The following GSK3B variants were observed in gnomAD, a reference collection of about 807,000 sequenced individuals.
GSK3B encodes the protein glycogen synthase kinase-3 beta.
In GSK3B, 15 loss-of-function variants were observed where a neutral mutation model predicts 56.4. That is an observed-to-expected ratio of 0.27 (90% CI 0.18 to 0.41). GSK3B has a LOEUF of 0.41. GSK3B is among the 10% of genes least tolerant of loss of function. The pLI is 1.00. For synonymous variants in GSK3B, 181 were observed against 188.9 expected (o/e 0.96, Z 0.34); for missense variants, 300 against 513.4 (o/e 0.58, Z 4.02).
At chr3:119,908,052 C>T (rs570991529) in intron 6 of GSK3B, among the ~76,000 whole-genome samples, 2 of 152,264 alleles carry the variant, frequency 1.3e-5, no homozygotes, top group African/African-American at 4.8e-5. Flanking sequence ...TCATTTCAAA[C>T]ATTACTGTTA....
intron 1 of GSK3B, among the ~76,000 whole-genome samples, chr3:120,056,326 G>A (rs2058190875): frequency 6.6e-6 from 1 of 152,176 alleles, no homozygotes; most frequent in African/African-American, 2.4e-5. Flanking sequence ...GTAAACAAAA[G>A]TCTTTGAGGT....
At chr3:120,015,621 G>A (rs1244948644) in intron 1 of GSK3B, among the ~76,000 whole-genome samples, 6 of 116,500 alleles carry the variant, frequency 5.2e-5, no homozygotes, top group African/African-American at 2.0e-4. Context: ...TTGCACTCCA[G>A]CCTGGGAGAC....
chr3:119,821,823 T>C lies in GSK3B; in HGVS notation c.*4965A>G, dbSNP rs1332837852. On this transcript the variant is annotated 3_prime_UTR_variant, in exon 11 of 11. Coordinates refer to ENST00000264235, the MANE Select transcript of GSK3B (RefSeq NM_001146156.2). ...AAGAAGTGGTATTGATATCTTGTTC[T>C]GTATAACAAAGATTAATGTTTCCCT... The C allele has an allele frequency of 3.0e-5, 5 of 168,168 alleles. No homozygotes were observed. The highest frequency in any genetic ancestry group is 1.2e-4 in the African/African-American group (5 of 42,038). The allele number at this position is 168,168 out of a possible 1,614,324, so 10.4% of individuals were successfully genotyped here.
At chr3:119,954,068 T>C (rs534552729) in intron 2 of GSK3B, among the ~76,000 whole-genome samples, 18 of 152,182 alleles carry the variant, frequency 1.2e-4, no homozygotes, top group Non-Finnish European at 2.4e-4. Context: ...TTTAAGAACA[T>C]CTTTCTGTAT....
intron 3 of GSK3B, among the ~76,000 whole-genome samples, chr3:119,941,550 T>G (rs1254879434): frequency 6.6e-6 from 1 of 152,182 alleles, no homozygotes; most frequent in Non-Finnish European, 1.5e-5. Context: ...TTCTATAAAA[T>G]AGTGCTTCTA....
intron 9 of GSK3B, among the ~76,000 whole-genome samples, chr3:119,850,510 G>GT (rs1476893284): frequency 1.3e-5 from 2 of 152,130 alleles, no homozygotes; most frequent in African/African-American, 4.8e-5. Flanking sequence ...TCTTGCCACT[G>GT]TAAGTCCACA....
At chr3:119,986,266 T>C (rs1162214041) in intron 2 of GSK3B, among the ~76,000 whole-genome samples, 1 of 152,110 alleles carries the variant, frequency 6.6e-6, no homozygotes, top group Non-Finnish European at 1.5e-5. Flanking sequence ...ATTCAGGACA[T>C]AGTTATGGGC....
chr3:119,912,454 G>A (rs1427926293), intron 6 of GSK3B, among the ~76,000 whole-genome samples: 3 of 151,796 alleles, frequency 2.0e-5, no homozygotes, highest in Non-Finnish European at 4.4e-5. Context: ...TATAAAACTA[G>A]TGTGGGCAGA....
intron 2 of GSK3B, among the ~76,000 whole-genome samples, chr3:119,963,897 TCTGAAAACGTAGAACC>T (rs1190305642): frequency 6.6e-6 from 1 of 152,134 alleles, no homozygotes; most frequent in Non-Finnish European, 1.5e-5. Flanking sequence ...AAACATAAGA[TCTGAAAACGTAGAACC>T]CTTTGAAGAA....
chr3:120,039,581 T>C (rs956937964), intron 1 of GSK3B, among the ~76,000 whole-genome samples: 1 of 152,152 alleles, frequency 6.6e-6, no homozygotes, highest in Non-Finnish European at 1.5e-5. Flanking sequence ...TTCCACCCAT[T>C]AGAAACCACA....
chr3:119,829,590 G>A (rs2055567513), intron 10 of GSK3B, among the ~76,000 whole-genome samples: 1 of 152,208 alleles, frequency 6.6e-6, no homozygotes, highest in African/African-American at 2.4e-5. Flanking sequence ...GCCCATTTAT[G>A]TTAATTTGCT....
chr3:119,856,637 T>C (rs1202298521), intron 9 of GSK3B, among the ~76,000 whole-genome samples: 1 of 152,174 alleles, frequency 6.6e-6, no homozygotes, highest in Non-Finnish European at 1.5e-5. Context: ...AAGTTCTCCC[T>C]GTGGTGTGTC....
chr3:119,968,154 C>G (rs1444318528), intron 2 of GSK3B, among the ~76,000 whole-genome samples: 2 of 151,888 alleles, frequency 1.3e-5, no homozygotes, highest in African/African-American at 4.8e-5. Flanking sequence ...ACGTCCAGCC[C>G]ATTTTTTATT....
At chr3:120,038,419 G>A (rs996144705) in intron 1 of GSK3B, among the ~76,000 whole-genome samples, 2 of 152,014 alleles carry the variant, frequency 1.3e-5, no homozygotes, top group Non-Finnish European at 2.9e-5. Flanking sequence ...TACCAACTAC[G>A]CGGGAGGCTG....
chr3:120,061,926 T>G (rs2058240277), intron 1 of GSK3B, among the ~76,000 whole-genome samples: 1 of 151,950 alleles, frequency 6.6e-6, no homozygotes, highest in African/African-American at 2.4e-5. Context: ...GAGACGGGGT[T>G]TCTCCATGTT....
chr3:119,922,220 A>AGGAAGGAG (rs1404311950), intron 4 of GSK3B, among the ~76,000 whole-genome samples: 1 of 105,064 alleles, frequency 9.5e-6, no homozygotes, highest in Non-Finnish European at 1.9e-5. Flanking sequence ...GAAGGAAGGA[A>AGGAAGGAG]GGAAGGAGGG....
At chr3:119,857,218 TAAAAC>T (rs893760098) in intron 9 of GSK3B, among the ~76,000 whole-genome samples, 3 of 152,316 alleles carry the variant, frequency 2.0e-5, no homozygotes, top group African/African-American at 4.8e-5. Flanking sequence ...GGCAATTTCT[TAAAAC>T]AAAACAACCA....
intron 2 of GSK3B, among the ~76,000 whole-genome samples, chr3:119,970,819 AAAT>A (rs2057359642): frequency 6.6e-6 from 1 of 151,882 alleles, no homozygotes; most frequent in African/African-American, 2.4e-5. Flanking sequence ...AAAAAACAAA[AAAT>A]AAAAAACAAA....
chr3:120,092,651 G>A (rs1385409150), intron 1 of GSK3B, among the ~76,000 whole-genome samples: 2 of 152,158 alleles, frequency 1.3e-5, no homozygotes, highest in Non-Finnish European at 2.9e-5. Context: ...AAACAGGAAG[G>A]TTAAGAGATA....
Sources: allele counts gnomAD v4.1 joint callset (sites outside exome capture counted in the v4.1 genomes callset), GRCh38; gene constraint gnomAD v4.1.1; transcripts MANE v1.5; gene names NCBI Gene and HGNC (gene_info 2026-07-23, HGNC 2026-07-21).